Variants in CD1B observed in about 807,000 individuals in gnomAD.
The protein encoded by CD1B is T-cell surface glycoprotein CD1b.
Under a neutral mutation model 39.8 loss-of-function variants are expected in CD1B, and 43 were observed. The ratio of observed to expected loss-of-function variants is 1.08; its 90% CI spans 0.85 to 1.39. CD1B has a LOEUF of 1.39. Among genes scored for constraint, CD1B ranks in the 40% most tolerant of loss-of-function variants. CD1B has a pLI of 0.00. For synonymous variants in CD1B, 192 were observed against 152.5 expected (o/e 1.26, Z -1.91); for missense variants, 495 against 403.8 (o/e 1.23, Z -1.94).
At chr1:158,305,896 T>G in the CD1B span, among the ~76,000 whole-genome samples, 1 of 152,156 alleles carries the variant, frequency 6.6e-6, no homozygotes, top group African/African-American at 2.4e-5. Context: ...GATTTTGTCA[T>G]CACCAGGCCT....
chr1:158,303,334 A>T, the CD1B span, among the ~76,000 whole-genome samples: 7 of 152,204 alleles, frequency 4.6e-5, no homozygotes, highest in Non-Finnish European at 7.4e-5. Flanking sequence ...GTACTGAATA[A>T]ACAAAAGCTT....
chr1:158,300,672 G>A, the CD1B span, among the ~76,000 whole-genome samples: 15 of 151,796 alleles, frequency 9.9e-5, no homozygotes, highest in Admixed American at 7.9e-4. Context: ...TCCTGTTTTG[G>A]GTGCATATAT....
chr1:158,287,411 C>T, the CD1B span, among the ~76,000 whole-genome samples: 1 of 152,086 alleles, frequency 6.6e-6, no homozygotes, highest in East Asian at 1.9e-4. Flanking sequence ...AGGGTCTTAC[C>T]GTTTAGACAT....
the CD1B span, among the ~76,000 whole-genome samples, chr1:158,299,001 C>T: frequency 2.6e-5 from 4 of 152,072 alleles, no homozygotes; most frequent in African/African-American, 9.7e-5. Context: ...ATTAAATACC[C>T]TTTATTTCTT....
chr1:158,329,748 C>A, intron 3 of CD1B, 100 bp from the exon 4 acceptor site: 1 of 1,559,514 alleles, frequency 6.4e-7, no homozygotes, highest in African/African-American at 1.4e-5. Flanking sequence ...CCATTCACTC[C>A]TTTGGGAACC....
chr1:158,293,380 A>G, the CD1B span: 4,047 of 1,594,014 alleles, frequency 2.5e-3, 14 homozygotes, highest in Non-Finnish European at 2.5e-3. Flanking sequence ...GCTTTTCTCT[A>G]TTGACTACTC....
In CD1B at chr1:158,330,809, A is replaced by T. The variant is rs374316861; in HGVS notation, c.315T>A (p.Asp105Glu). Residue 105 changes from aspartate to glutamate, a missense_variant, in exon 2 of 6, where the codon GAT (aspartate) becomes GAA (glutamate). Coordinates refer to ENST00000368168, the MANE Select transcript of CD1B (RefSeq NM_001764.3). Reference sequence around the variant, plus strand: ...GACTAGACTCACATTTCATCTGGAAATCACCGGCAAAGTCTTGTACTTCTC... The same window carrying T: ...GACTAGACTCACATTTCATCTGGAATTCACCGGCAAAGTCTTGTACTTCTC... ...FAREVQDFAG[D>E]FQMKYPFEIQ... The T allele has an allele frequency of 2.3e-5, 37 of 1,614,048 alleles. No individual in the cohort carries two copies. Among genetic ancestry groups the T allele is most frequent in the Non-Finnish European group, 2.8e-5 (33 of 1,180,038 alleles).
At chr1:158,297,393 T>G in the CD1B span, among the ~76,000 whole-genome samples, 1 of 152,158 alleles carries the variant, frequency 6.6e-6, no homozygotes, top group Non-Finnish European at 1.5e-5. Flanking sequence ...AAGCAAATGC[T>G]AAGGAAATTT....
downstream of CD1B, among the ~76,000 whole-genome samples, chr1:158,326,174 G>A (rs11801217): frequency 1.7e-3 from 254 of 152,118 alleles, 1 homozygote; most frequent in African/African-American, 5.9e-3. Context: ...GGGTTTCACC[G>A]TGTTAGCCAG....
At chr1:158,294,080 TGCC>T in the CD1B span, among the ~76,000 whole-genome samples, 1 of 152,260 alleles carries the variant, frequency 6.6e-6, no homozygotes, top group Admixed American at 6.5e-5. Context: ...TGCAGCCTTG[TGCC>T]TTGATACACT....
In CD1B at chr1:158,330,118, A is replaced by G. The variant is rs887138385; in HGVS notation, c.341T>C (p.Ile114Thr). The change falls in exon 3 of 6, where the codon ATC (isoleucine) becomes ACC (threonine). Residue 114 changes from isoleucine to threonine, a missense_variant. Physicochemically the swap from Ile to Thr is moderately conservative, Grantham distance 89 (BLOSUM62 -1). Transcript: ENST00000368168. ...GDFQMKYPFE[I>T]QGIAGCELHS... is the part of the protein sequence containing the mutation. ...TAGCTCACAGCCTGCTATGCCCTGG[A>G]TCTCAAAGGGGTCTATGTAGAGGGA... The G allele has an allele frequency of 6.2e-7, 1 of 1,613,026 alleles. No individual in the cohort carries two copies. Among genetic ancestry groups the G allele is most frequent in the African/African-American group, 1.3e-5 (1 of 74,842 alleles).
chr1:158,306,097 T>TA, the CD1B span, among the ~76,000 whole-genome samples: 1 of 152,168 alleles, frequency 6.6e-6, no homozygotes, highest in Non-Finnish European at 1.5e-5. Flanking sequence ...ACTTTAAATG[T>TA]AAATGGGCTA....
At chr1:158,327,343 C>CT (rs1652392361), downstream of CD1B, among the ~76,000 whole-genome samples, 1 of 152,166 alleles carries the variant, frequency 6.6e-6, no homozygotes, top group Non-Finnish European at 1.5e-5. Context: ...CACTATGACC[C>CT]TTTAAAAGCT....
chr1:158,320,380 G>A, the CD1B span, among the ~76,000 whole-genome samples: 332 of 152,294 alleles, frequency 2.2e-3, no homozygotes, highest in African/African-American at 7.6e-3. Flanking sequence ...TTTTAAGTCC[G>A]TTGGAAAAGC....
At chr1:158,291,789 C>G in the CD1B span, among the ~76,000 whole-genome samples, 1 of 152,086 alleles carries the variant, frequency 6.6e-6, no homozygotes, top group African/African-American at 2.4e-5. Flanking sequence ...ATCCTCCTAC[C>G]TCCCTCACAA....
At chr1:158,313,292 T>C in the CD1B span, among the ~76,000 whole-genome samples, 1 of 152,192 alleles carries the variant, frequency 6.6e-6, no homozygotes, top group Non-Finnish European at 1.5e-5. Flanking sequence ...ATTAGGGATA[T>C]TGGCCTGTAG....
the CD1B span, chr1:158,291,196 G>A: frequency 1.2e-6 from 2 of 1,613,746 alleles, no homozygotes; most frequent in South Asian, 1.1e-5. Context: ...CCAATCCTGG[G>A]CACGAGGTCA....
At chr1:158,286,682 A>C in the CD1B span, among the ~76,000 whole-genome samples, 3 of 152,188 alleles carry the variant, frequency 2.0e-5, no homozygotes, top group African/African-American at 2.4e-5. Context: ...GTGGAGGGAG[A>C]GAAATGACAT....
chr1:158,330,508 T>C, intron 2 of CD1B: 1 of 608,044 alleles, frequency 1.6e-6, no homozygotes, highest in Non-Finnish European at 3.0e-6. Context: ...AGGCACAGGG[T>C]AGGAGAAGTA....
Sources: allele counts gnomAD v4.1 joint callset (sites outside exome capture counted in the v4.1 genomes callset), GRCh38; gene constraint gnomAD v4.1.1; transcripts MANE v1.5; gene names NCBI Gene and HGNC (gene_info 2026-07-23, HGNC 2026-07-21).